Variants in PTPN11 observed in about 807,000 individuals in gnomAD.
PTPN11 encodes protein tyrosine phosphatase non-receptor type 11, also known as tyrosine-protein phosphatase non-receptor type 11.
Under a neutral mutation model 78.8 loss-of-function variants are expected in PTPN11, and 6 were observed. The observed-to-expected ratio is 0.08, with a 90% CI of 0.04 to 0.15. The LOEUF (loss-of-function observed/expected upper bound fraction) is 0.15, where lower values mean the gene tolerates loss of function less well. Ranked by LOEUF, PTPN11 falls within the 10% of genes least tolerant of loss-of-function variation. PTPN11 has a pLI of 1.00. For synonymous variants in PTPN11, 221 were observed against 263.5 expected, an observed-to-expected ratio of 0.84 and a Z score of 1.56; for missense variants, 386 against 744.8, an observed-to-expected ratio of 0.52 and a Z score of 5.61.
At chr12:112,425,105 C>T (rs1434715400) in intron 1 of PTPN11, among the ~76,000 whole-genome samples, 1 of 151,634 alleles carries the variant, frequency 6.6e-6, no homozygotes, top group Non-Finnish European at 1.5e-5. Context: ...CCACCCGCCT[C>T]GGCCTCCAAA....
At chr12:112,424,895 G>A (rs890969054) in intron 1 of PTPN11, among the ~76,000 whole-genome samples, 21 of 146,184 alleles carry the variant, frequency 1.4e-4, no homozygotes, top group East Asian at 6.7e-4. Context: ...GTGTGTATGT[G>A]TGTGTGTGTG....
chr12:112,470,434 A>G (rs769760002), intron 6 of PTPN11, among the ~76,000 whole-genome samples: 6 of 152,230 alleles, frequency 3.9e-5, no homozygotes, highest in Middle Eastern at 3.2e-3. Context: ...ACTCAAGGAA[A>G]CTGAGGCACA....
intron 1 of PTPN11, among the ~76,000 whole-genome samples, chr12:112,424,801 A>C (rs2037580354): frequency 6.6e-6 from 1 of 151,750 alleles, no homozygotes; most frequent in Non-Finnish European, 1.5e-5. Flanking sequence ...CCCAGGCTCA[A>C]GCATTCTCCC....
At position 112,420,720 on chromosome 12, in the gene PTPN11, T is replaced by G. The variant is rs946939675; in HGVS notation, c.14+1595T>G. Among the ~76,000 whole-genome samples, 3 of 152,122 alleles carry G rather than the reference T, an allele frequency of 2.0e-5. No individual in the cohort carries two copies. The East Asian group carries it at 5.8e-4, about 29-fold the overall frequency. On this transcript the variant is annotated intron_variant, in intron 1 of 15. Coordinates refer to ENST00000351677, the MANE Select transcript of PTPN11 (RefSeq NM_002834.5). ...GTTATTCATACATGGATCTGGAATT[T>G]AAAAAGGGGAGAAAAAGAAAACTGA... is the stretch of plus-strand genomic sequence containing the variant.
At chr12:112,497,839 C>T (rs1257027356) in intron 13 of PTPN11, among the ~76,000 whole-genome samples, 1 of 152,042 alleles carries the variant, frequency 6.6e-6, no homozygotes, top group Non-Finnish European at 1.5e-5. Context: ...GAGTCTGAAG[C>T]AGGGGAATGA....
intron 1 of PTPN11, among the ~76,000 whole-genome samples, chr12:112,440,667 G>A (rs1363975849): frequency 3.4e-5 from 5 of 145,946 alleles, no homozygotes; most frequent in African/African-American, 1.0e-4. Flanking sequence ...TCCGCCTCCC[G>A]GGTTCAAGTG....
At chr12:112,440,114 T>G (rs1456071010) in intron 1 of PTPN11, among the ~76,000 whole-genome samples, 2 of 152,190 alleles carry the variant, frequency 1.3e-5, no homozygotes, top group African/African-American at 4.8e-5. Context: ...ATTCTGGGCA[T>G]CTTTCATCTG....
At chr12:112,496,984 C>T (rs968965581) in intron 13 of PTPN11, among the ~76,000 whole-genome samples, 4 of 151,898 alleles carry the variant, frequency 2.6e-5, no homozygotes, top group African/African-American at 9.7e-5. Context: ...CCAGCCTGGC[C>T]AAAATGGTAA....
At chr12:112,420,779 G>T (rs995505753) in intron 1 of PTPN11, among the ~76,000 whole-genome samples, 7 of 152,206 alleles carry the variant, frequency 4.6e-5, no homozygotes, top group Non-Finnish European at 8.8e-5. Flanking sequence ...TGGACAGGTC[G>T]GTTGGCAAGT....
intron 1 of PTPN11, among the ~76,000 whole-genome samples, chr12:112,439,796 C>A (rs1966343): frequency 0.41 from 60,485 of 146,596 alleles, 15,134 homozygotes; most frequent in East Asian, 0.89. Context: ...AAAAAAAAAA[C>A]AAAAACAAAA....
chr12:112,464,569 C>T (rs1429262779), intron 6 of PTPN11, among the ~76,000 whole-genome samples: 1 of 152,098 alleles, frequency 6.6e-6, no homozygotes, highest in East Asian at 1.9e-4. Context: ...ATTACAGGCA[C>T]GTACCACCAC....
At chr12:112,424,918 T>TGG (rs2037585930) in intron 1 of PTPN11, among the ~76,000 whole-genome samples, 1 of 139,890 alleles carries the variant, frequency 7.1e-6, no homozygotes, top group Non-Finnish European at 1.5e-5. Flanking sequence ...TGTGTGTGTG[T>TGG]GCTGGGACTG....
In PTPN11 at chr12:112,502,207, G is replaced by A; in HGVS notation, c.1663G>A (p.Gly555Arg). 2 of 1,613,904 alleles carry A rather than the reference G, an allele frequency of 1.2e-6. No individual in the cohort carries two copies. The highest frequency in any genetic ancestry group is 1.7e-4 in the Middle Eastern group (1 of 6,056). ...IKYSLADQTSGDQSPLPPCTP... is the reference protein window; with the variant it reads ...IKYSLADQTSRDQSPLPPCTP... ...GTATTCTCTAGCGGACCAGACGAGTGGAGATCAGAGCCCTCTCCCGCCTTG... is the reference window on the plus strand; with the variant it reads ...GTATTCTCTAGCGGACCAGACGAGTAGAGATCAGAGCCCTCTCCCGCCTTG... The change falls in exon 14 of 16, where the codon GGA becomes AGA. Residue 555 changes from glycine (G) to arginine (R), a missense_variant. Physicochemically the swap from Gly to Arg is moderately radical, Grantham distance 125. This residue lies in a region of PTPN11 where 44 missense variants were observed against 59.3 expected (regional missense o/e 0.74). Coordinates refer to ENST00000351677, the MANE Select transcript of PTPN11 (RefSeq NM_002834.5).
intron 1 of PTPN11, among the ~76,000 whole-genome samples, chr12:112,433,456 G>A (rs989302260): frequency 2.0e-5 from 3 of 152,114 alleles, no homozygotes; most frequent in African/African-American, 7.2e-5. Context: ...ATGCATGACC[G>A]TATCTTGACA....
At position 112,454,629 on chromosome 12, in the gene PTPN11, T is replaced by C. The variant is rs76982592; in HGVS notation, c.591T>C (p.Tyr197=). The C allele has an allele frequency of 1.2e-6, 2 of 1,613,802 alleles. No individual in the cohort carries two copies. Among genetic ancestry groups the C allele is most frequent in the African/African-American group, 1.3e-5 (1 of 74,918 alleles). The change falls in exon 5 of 16, where the codon TAT becomes TAC. Residue 197 remains tyrosine (Y), a synonymous_variant. Transcript: ENST00000351677. ...CTTTGACAGATCTTGTGGAACATTATAAGAAGAATCCTATGGTGGAAACAT... is the reference window on the plus strand; with the variant it reads ...CTTTGACAGATCTTGTGGAACATTACAAGAAGAATCCTATGGTGGAAACAT... ...FDSLTDLVEH[Y]KKNPMVETLG...
At chr12:112,484,454 G>A (rs1340086023) in intron 10 of PTPN11, among the ~76,000 whole-genome samples, 1 of 152,160 alleles carries the variant, frequency 6.6e-6, no homozygotes, top group East Asian at 1.9e-4. Context: ...GAGAGAGACT[G>A]TCCCCAGAGC....
intron 7 of PTPN11, among the ~76,000 whole-genome samples, chr12:112,477,158 A>G (rs2038517585): frequency 6.6e-6 from 1 of 152,160 alleles, no homozygotes; most frequent in Non-Finnish European, 1.5e-5. Flanking sequence ...CTAGGATTAC[A>G]GATGTGGACC....
chr12:112,455,232 CTTTTTTT>C (rs997021901), intron 5 of PTPN11, among the ~76,000 whole-genome samples: 4 of 116,276 alleles, frequency 3.4e-5, no homozygotes, highest in East Asian at 4.9e-4. Flanking sequence ...TACAGAGGTT[CTTTTTTT>C]TTTTTTTTTT....
At chr12:112,435,617 C>T (rs544619618) in intron 1 of PTPN11, among the ~76,000 whole-genome samples, 11 of 151,062 alleles carry the variant, frequency 7.3e-5, no homozygotes, top group Non-Finnish European at 1.3e-4. Context: ...AGTTATTTTC[C>T]CTTCAATAAC....
Sources: gnomAD v4.1 joint callset for allele counts (sites outside exome capture counted in the v4.1 genomes callset) on GRCh38, gnomAD v4.1.1 for gene constraint, gnomAD v4.1.1 regional missense constraint, MANE v1.5 for transcripts, NCBI Gene and HGNC (gene_info 2026-07-23, HGNC 2026-07-21) for gene names.